The following NRXN3 variants were observed in gnomAD, a reference collection of about 807,000 sequenced individuals.
NRXN3 encodes neurexin 3.
NRXN3 carries 32 observed loss-of-function variants against 137.6 expected under a neutral mutation model. The observed-to-expected ratio is 0.23, with a 90% CI of 0.18 to 0.31. NRXN3 has a LOEUF of 0.31. Ranked by LOEUF, NRXN3 falls within the 10% of genes least tolerant of loss-of-function variation. The pLI is 1.00. For missense variants in NRXN3, 1,574 were observed against 2,062.5 expected (o/e 0.76, Z 4.59); for synonymous variants, 798 against 784.5 (o/e 1.02, Z -0.29).
At position 79,049,054 on chromosome 14, in the gene NRXN3, AAAAAAAAAAAAAAAAAAAAAT is replaced by A. The variant is rs1568111522; in HGVS notation, c.3262+60916_3262+60936del. Among the ~76,000 whole-genome samples, 183 of 56,562 alleles carry A rather than the reference AAAAAAAAAAAAAAAAAAAAAT, an allele frequency of 3.2e-3. 3 individuals are homozygous for A. The highest frequency in any genetic ancestry group is 4.5e-3 in the Non-Finnish European group (132 of 29,044). The allele number at this position is 56,562 out of a possible 152,430, so 37.1% of individuals were successfully genotyped here. A position where few individuals can be genotyped will look rare whatever the true frequency, so the allele number is the denominator to read the frequency against. ...AAAAAAAAAAAAAAAAAAAAAAAAA[AAAAAAAAAAAAAAAAAAAAAT>A]AATAATAATAATAATAATAATATGA... On this transcript the variant is annotated intron_variant, in intron 15 of 20. Coordinates refer to ENST00000335750, the MANE Select transcript of NRXN3 (RefSeq NM_001330195.2).
At chr14:78,188,948 G>A (rs568447496) in intron 1 of NRXN3, among the ~76,000 whole-genome samples, 1 of 152,036 alleles carries the variant, frequency 6.6e-6, no homozygotes, top group South Asian at 2.1e-4. Context: ...CTACTTGTGT[G>A]TCTAATTCTA....
At chr14:78,368,497 G>A (rs1340480223) in intron 4 of NRXN3, among the ~76,000 whole-genome samples, 1 of 152,166 alleles carries the variant, frequency 6.6e-6, no homozygotes, top group Non-Finnish European at 1.5e-5. Context: ...TTCGAGAACA[G>A]CCTGGCCAAC....
chr14:79,435,136 C>T (rs2095824025), intron 15 of NRXN3, among the ~76,000 whole-genome samples: 1 of 152,078 alleles, frequency 6.6e-6, no homozygotes, highest in Non-Finnish European at 1.5e-5. Context: ...GCTGAATGCC[C>T]CTGGCAGTCC....
chr14:78,655,538 T>C (rs2097777941), intron 6 of NRXN3, among the ~76,000 whole-genome samples: 1 of 152,174 alleles, frequency 6.6e-6, no homozygotes, highest in South Asian at 2.1e-4. Flanking sequence ...GTTTTTTGCC[T>C]TTGGTCATTT....
chr14:78,494,421 G>GTTTTTTTTTTTTTTTTTT (rs139596761), intron 4 of NRXN3, among the ~76,000 whole-genome samples: 3 of 132,438 alleles, frequency 2.3e-5, no homozygotes, highest in African/African-American at 5.2e-5. Flanking sequence ...TACCAGAGGT[G>GTTTTTTTTTTTTTTTTTT]TTTTGTTTTT....
chr14:79,210,517 G>T (rs2067490083), intron 15 of NRXN3, among the ~76,000 whole-genome samples: 1 of 152,114 alleles, frequency 6.6e-6, no homozygotes, highest in South Asian at 2.1e-4. Context: ...TATCTAATTT[G>T]AACTGCTGAT....
chr14:79,208,567 G>A (rs1469309784), intron 15 of NRXN3, among the ~76,000 whole-genome samples: 1 of 152,066 alleles, frequency 6.6e-6, no homozygotes, highest in Admixed American at 6.6e-5. Flanking sequence ...CTATGACTAA[G>A]TAACAGTAAT....
intron 1 of NRXN3, among the ~76,000 whole-genome samples, chr14:78,188,908 T>G (rs2060474034): frequency 6.6e-6 from 1 of 152,182 alleles, no homozygotes; most frequent in Admixed American, 6.5e-5. Context: ...CCAGACTCAC[T>G]TTGTGTATGC....
chr14:79,226,092 T>C (rs2070811504), intron 15 of NRXN3, among the ~76,000 whole-genome samples: 1 of 152,068 alleles, frequency 6.6e-6, no homozygotes, highest in African/African-American at 2.4e-5. Flanking sequence ...GCTCTGGGGA[T>C]TAGGATGTGG....
At chr14:78,850,292 G>A (rs372090560) in intron 10 of NRXN3, among the ~76,000 whole-genome samples, 5 of 152,026 alleles carry the variant, frequency 3.3e-5, no homozygotes, top group African/African-American at 1.2e-4. Flanking sequence ...CTCACCCAAG[G>A]TTATATGGTC....
intron 9 of NRXN3, among the ~76,000 whole-genome samples, chr14:78,805,813 G>A (rs1175249081): frequency 6.6e-6 from 1 of 152,088 alleles, no homozygotes; most frequent in Non-Finnish European, 1.5e-5. Context: ...AGATTAGAGT[G>A]TCAACTTTGA....
In NRXN3 at chr14:79,408,355, C is replaced by G. The variant is rs541446124; in HGVS notation, c.3263-58866C>G. ...CAACCTAAATTTTCTAGGACGCAGC[C>G]CAACTAACTGAATTCTTTATGTCAC... On this transcript the variant is annotated intron_variant, in intron 15 of 20. Transcript: ENST00000335750. Among the ~76,000 whole-genome samples, 7 of 152,146 alleles carry G rather than the reference C, an allele frequency of 4.6e-5. No individual in the cohort carries two copies. The South Asian group carries it at 1.5e-3, about 32-fold the overall frequency.
intron 4 of NRXN3, among the ~76,000 whole-genome samples, chr14:78,338,769 A>G (rs1163997077): frequency 6.6e-6 from 1 of 152,220 alleles, no homozygotes. Flanking sequence ...AGCAGAATCC[A>G]GGACCACAAA....
At position 78,336,842 on chromosome 14, in the gene NRXN3, T is replaced by C. The variant is rs150456770; in HGVS notation, c.757+38982T>C. Among the ~76,000 whole-genome samples the C allele has an allele frequency of 9.2e-4, 140 of 152,278 alleles. 1 individual carries two copies. The highest frequency in any genetic ancestry group is 2.5e-3 in the African/African-American group (102 of 41,566). ...ATGGCTAGGGGACAGCATCCTGTTG[T>C]GATGCAATTCATTGGACTGGGACAA... On this transcript the variant is annotated intron_variant, in intron 4 of 20. Coordinates refer to ENST00000335750, the MANE Select transcript of NRXN3 (RefSeq NM_001330195.2).
intron 10 of NRXN3, among the ~76,000 whole-genome samples, chr14:78,898,255 T>G (rs1005783476): frequency 1.3e-5 from 2 of 151,956 alleles, no homozygotes; most frequent in African/African-American, 4.8e-5. Context: ...TACCCCTTGT[T>G]CAGGACTGGG....
chr14:79,222,996 G>A (rs939930608), intron 15 of NRXN3, among the ~76,000 whole-genome samples: 2 of 151,980 alleles, frequency 1.3e-5, no homozygotes, highest in African/African-American at 2.4e-5. Context: ...GTTACATCAT[G>A]CTTTTAATTG....
At position 78,532,374 on chromosome 14, in the gene NRXN3, T is replaced by TG. The variant is rs1385897915; in HGVS notation, c.758-112746_758-112745insG. 1.2e-4 allele frequency among the ~76,000 whole-genome samples: 12 copies of TG among 103,952 alleles called. 1 individual carries two copies. The highest frequency in any genetic ancestry group is 4.2e-4 in the African/African-American group (11 of 26,048). The allele number at this position is 103,952 out of a possible 152,430, so 68.2% of individuals were successfully genotyped here. On this transcript the variant is annotated intron_variant, in intron 4 of 20. Transcript: ENST00000335750. ...AAAAGAAAAAGAAAATTGATGATAT[T>TG]TTGTGTGTGTGTGTGTGTGTGTGTG...
At chr14:78,181,271 C>G (rs1192095486) in intron 1 of NRXN3, among the ~76,000 whole-genome samples, 1 of 152,192 alleles carries the variant, frequency 6.6e-6, no homozygotes, top group Non-Finnish European at 1.5e-5. Context: ...CACCTATAGA[C>G]CTAACTTAAA....
In NRXN3 at chr14:78,868,726, C is replaced by A. The variant is rs563760779; in HGVS notation, c.2275+58382C>A. On this transcript the variant is annotated intron_variant, in intron 10 of 20. Coordinates refer to ENST00000335750, the MANE Select transcript of NRXN3 (RefSeq NM_001330195.2). ...ATCCCAGCTACTCAGGAGCCTAAGG[C>A]AGGAGAATCACTTGAACCTGGGAGG... 2.6e-5 allele frequency among the ~76,000 whole-genome samples: 4 copies of A among 152,100 alleles called. No homozygotes were observed. The South Asian group carries it at 8.3e-4, about 32-fold the overall frequency.
Sources: allele counts gnomAD v4.1 joint callset (sites outside exome capture counted in the v4.1 genomes callset), GRCh38; gene constraint gnomAD v4.1.1; transcripts MANE v1.5; gene names NCBI Gene and HGNC (gene_info 2026-07-23, HGNC 2026-07-21).